Variants in MYH14 observed in about 807,000 individuals in gnomAD.
MYH14 encodes myosin-14.
In MYH14, 123 loss-of-function variants were observed where a neutral mutation model predicts 255.5. The observed-to-expected ratio is 0.48, with a 90% CI of 0.42 to 0.56. MYH14 has a LOEUF of 0.56. MYH14 is among the 20% of genes least tolerant of loss of function. The pLI, the probability that MYH14 is intolerant of heterozygous loss-of-function variation, is 0.00. For synonymous variants in MYH14, 1,095 were observed against 1,161.2 expected, an observed-to-expected ratio of 0.94 and a Z score of 1.16; for missense variants, 2,423 against 2,802.3, an observed-to-expected ratio of 0.86 and a Z score of 3.06.
Position 50,217,683 on chromosome 19 carries a change from T to A in MYH14, c.474T>A (p.Ile158=), listed in dbSNP as rs34796700. The stretch of plus-strand genomic sequence containing the variant: ...AGCTTCCCATCTACACAGAAGCCAT[T>A]GTGGAGATGTACCGGGGCAAGAAGC... ...YKQLPIYTEA[I]VEMYRGKKRH... Residue 158 remains isoleucine (I), a synonymous_variant, in exon 3 of 43, where the codon ATT becomes ATA. Transcript: ENST00000642316. 6.2e-7 allele frequency: 1 copy of A among 1,613,858 alleles called. No individual in the cohort carries two copies. The highest frequency in any genetic ancestry group is 1.1e-5 in the South Asian group (1 of 91,084).
rs376429869 is a variant in MYH14 at position 50,226,950 on chromosome 19, C to T, written c.858C>T (p.Gly286=). The change falls in exon 8 of 43, where the codon GGC becomes GGT. Residue 286 remains glycine (G), a synonymous_variant. Coordinates refer to ENST00000642316, the MANE Select transcript of MYH14 (RefSeq NM_001145809.2). ...INFDVAGYIV[G]ANIETYLLEK... ...TTGATGTTGCCGGGTACATCGTGGG[C>T]GCCAACATTGAGACCTGTATCCTCT... The T allele has an allele frequency of 3.1e-5, 50 of 1,613,778 alleles. No individual in the cohort carries two copies. In the African/African-American group the frequency reaches 3.3e-4, roughly 11 times the overall value.
chr19:50,289,766 C>A, intron 35 of MYH14, 118 bp downstream of exon 35: 1 of 884,728 alleles, frequency 1.1e-6, no homozygotes, highest in South Asian at 1.6e-5. Flanking sequence ...CTGTCTCCTC[C>A]ACCCGCCGAC....
rs746552849 is a variant in MYH14 at position 50,307,086 on chromosome 19, G to A, written c.5716G>A (p.Glu1906Lys). The change falls in exon 41 of 43, where the codon GAG becomes AAG. Residue 1906 changes from glutamate (E) to lysine (K), a missense_variant. By Grantham distance (56) the Glu-to-Lys change is moderately conservative (BLOSUM62 1). This residue lies in a region of MYH14 where 1,513 missense variants were observed against 1,674.8 expected (regional missense o/e 0.90). Transcript: ENST00000642316. ...CTCTGGAAAGCTGGTGCGCAGAGCT[G>A]AGAAGCGGCTTAAAGAGGTGGTGCT... ...ILSGKLVRRA[E>K]KRLKEVVLQV... 1 of 1,551,186 alleles carries A rather than the reference G, an allele frequency of 6.4e-7. No individual in the cohort carries two copies. The highest frequency in any genetic ancestry group is 8.7e-7 in the Non-Finnish European group (1 of 1,146,942).
rs760685746 is a variant in MYH14 at position 50,210,403 on chromosome 19, C to T, written c.38C>T (p.Ala13Val). ...AVTMSVPGRK[A>V]PPRPGPVPEA... is the part of the protein sequence containing the mutation. ...ACCATGTCGGTGCCCGGGCGGAAGGCGCCCCCCAGGCCGGGCCCAGTGCCC... is the reference window on the plus strand; with the variant it reads ...ACCATGTCGGTGCCCGGGCGGAAGGTGCCCCCCAGGCCGGGCCCAGTGCCC... Residue 13 changes from alanine to valine, a missense_variant, in exon 2 of 43, where the codon GCG becomes GTG. This residue lies in a region of MYH14 where 238 missense variants were observed against 245.8 expected (regional missense o/e 0.97). Coordinates refer to ENST00000642316, the MANE Select transcript of MYH14 (RefSeq NM_001145809.2). The T allele has an allele frequency of 7.6e-6, 12 of 1,576,152 alleles. No homozygotes were observed. Among genetic ancestry groups the T allele is most frequent in the East Asian group, 2.4e-5 (1 of 42,068 alleles).
intron 18 of MYH14, 99 bp from the exon 19 acceptor site, chr19:50,259,045 C>G: frequency 6.9e-7 from 1 of 1,449,156 alleles, no homozygotes; most frequent in Non-Finnish European, 9.2e-7. Context: ...AGTAGGTGCT[C>G]AGTAAATTAC....
At chr19:50,218,271 T>A (rs2032598970) in intron 3 of MYH14, among the ~76,000 whole-genome samples, 1 of 151,732 alleles carries the variant, frequency 6.6e-6, no homozygotes, top group African/African-American at 2.4e-5. Flanking sequence ...TAAGCCACCA[T>A]GCCTGGCCTC....
At chr19:50,256,447 C>T (rs958976966) in intron 17 of MYH14, among the ~76,000 whole-genome samples, 39 of 152,242 alleles carry the variant, frequency 2.6e-4, no homozygotes, top group African/African-American at 8.2e-4. Context: ...TCTTGGCTCA[C>T]GGCAACCTCT....
At chr19:50,291,208 G>C (rs961435466) in intron 36 of MYH14, among the ~76,000 whole-genome samples, 160 bp downstream of exon 36, 1 of 152,042 alleles carries the variant, frequency 6.6e-6, no homozygotes. Context: ...CCAGAGGCTG[G>C]CTTCCTTCTT....
intron 29 of MYH14, 60 bp from the exon 30 acceptor site, chr19:50,278,023 G>C (rs1025360273): frequency 1.5e-6 from 2 of 1,346,184 alleles, no homozygotes; most frequent in African/African-American, 2.9e-5. Flanking sequence ...AGATGGGAGT[G>C]TGCCTGGCCT....
rs773415813 is a variant in MYH14 at position 50,232,026 on chromosome 19, T to C, written c.1070T>C (p.Leu357Pro). Residue 357 changes from leucine to proline, a missense_variant, in exon 10 of 43, where the codon CTG becomes CCG. By Grantham distance (98) the Leu-to-Pro change is moderately conservative (BLOSUM62 -3). Coordinates refer to ENST00000642316, the MANE Select transcript of MYH14 (RefSeq NM_001145809.2). ...GAGCGGGAACTCTTCCAGGAGACGC[T>C]GGAGTCGCTGCGGGTCCTGGGATTC... is the stretch of plus-strand genomic sequence containing the variant. ...GQERELFQET[L>P]ESLRVLGFSH... is the part of the protein sequence containing the mutation. 1 of 1,613,480 alleles carries C rather than the reference T, an allele frequency of 6.2e-7. No individual in the cohort carries two copies. Among genetic ancestry groups the C allele is most frequent in the Middle Eastern group, 1.6e-4 (1 of 6,062 alleles).
In MYH14 at chr19:50,293,369, G is replaced by A; in HGVS notation, c.5345+48G>A. 1 of 1,547,282 alleles carries A rather than the reference G, an allele frequency of 6.5e-7. No homozygotes were observed. Among genetic ancestry groups the A allele is most frequent in the Non-Finnish European group, 8.8e-7 (1 of 1,136,480 alleles). ...GGCTGAGGTACTGCGTCTGCAGGAG[G>A]TGAAGCTGGGGTAGGCTGGAGGTGG... is the stretch of plus-strand genomic sequence containing the variant. On this transcript the variant is annotated intron_variant, in intron 38 of 42. Coordinates refer to ENST00000642316, the MANE Select transcript of MYH14 (RefSeq NM_001145809.2). The surrounding 1 kb of genome is among the most constrained non-coding windows in gnomAD (Gnocchi z 4.1).
At chr19:50,296,818 A>G (rs2036283186) in intron 39 of MYH14, among the ~76,000 whole-genome samples, 1 of 152,262 alleles carries the variant, frequency 6.6e-6, no homozygotes, top group Non-Finnish European at 1.5e-5. Context: ...AGCTTCAATG[A>G]GGAAAATAAT....
chr19:50,269,022 C>G (rs2035199385), intron 24 of MYH14, among the ~76,000 whole-genome samples: 1 of 152,302 alleles, frequency 6.6e-6, no homozygotes, highest in Admixed American at 6.5e-5. Flanking sequence ...TTTATAAAAA[C>G]TAGATTCACA....
intron 10 of MYH14, 28 bp downstream of exon 10, chr19:50,232,098 TA>T (rs1163674822): frequency 1.2e-6 from 2 of 1,607,086 alleles, no homozygotes; most frequent in Non-Finnish European, 1.7e-6. Context: ...AGGCCAGGGG[TA>T]GGGGGGAACC....
intron 10 of MYH14, among the ~76,000 whole-genome samples, chr19:50,242,992 G>A (rs2033948560): frequency 2.6e-5 from 4 of 152,266 alleles, no homozygotes; most frequent in Admixed American, 2.6e-4. Flanking sequence ...AACACAAGAA[G>A]GCTGCCATGT....
chr19:50,249,581 C>CTCTGTCCCCTGTCTCTGGGTT, intron 13 of MYH14, 69 bp from the exon 14 acceptor site: 1 of 1,596,944 alleles, frequency 6.3e-7, no homozygotes. Context: ...GTCTCTGGGT[C>CTCTGTCCCCTGTCTCTGGGTT]TCTGTCCCCT....
At chr19:50,308,812 G>T in intron 41 of MYH14, 193 bp from the exon 42 acceptor site, 1 of 608,124 alleles carries the variant, frequency 1.6e-6, no homozygotes, top group South Asian at 2.3e-5. Context: ...CAACCTGGAG[G>T]GGAGAGACTG....
intron 7 of MYH14, 135 bp from the exon 8 acceptor site, chr19:50,226,768 T>A: frequency 7.6e-6 from 6 of 784,510 alleles, no homozygotes; most frequent in Non-Finnish European, 1.3e-5. Flanking sequence ...AGGATGGGGT[T>A]CAGGTAGAGG....
intron 5 of MYH14, 116 bp from the exon 6 acceptor site, chr19:50,224,035 CCAG>C: frequency 1.6e-6 from 1 of 634,466 alleles, no homozygotes. Context: ...CCCGGTTTCC[CCAG>C]TCCCCCTTCC....
Sources: allele counts gnomAD v4.1 joint callset (sites outside exome capture counted in the v4.1 genomes callset), GRCh38; gene constraint gnomAD v4.1.1; regional missense constraint gnomAD v4.1.1; non-coding constraint Gnocchi (gnomAD v3.1); transcripts MANE v1.5; gene names NCBI Gene and HGNC (gene_info 2026-07-23, HGNC 2026-07-21).